The following DSCAM variants were observed in gnomAD, a reference collection of about 807,000 sequenced individuals.
The protein encoded by DSCAM is cell adhesion molecule DSCAM.
In DSCAM, 47 loss-of-function variants were observed where a neutral mutation model predicts 217.7. The ratio of observed to expected loss-of-function variants is 0.22; its 90% CI spans 0.17 to 0.28. The LOEUF is 0.28. Among genes scored for constraint, DSCAM ranks in the 10% least tolerant of loss-of-function variants. The pLI is 1.00. For synonymous variants in DSCAM, 1,056 were observed against 1,015.3 expected (o/e 1.04, Z -0.76); for missense variants, 2,080 against 2,618.3 (o/e 0.79, Z 4.49).
intron 1 of DSCAM, among the ~76,000 whole-genome samples, chr21:40,757,137 G>GC (rs1434915601): frequency 2.0e-5 from 3 of 151,928 alleles, no homozygotes; most frequent in African/African-American, 4.8e-5. Context: ...CCATTCTCCT[G>GC]CTTAGCCTCC....
chr21:40,400,883 A>C (rs1245579836), intron 3 of DSCAM, among the ~76,000 whole-genome samples: 1 of 152,220 alleles, frequency 6.6e-6, no homozygotes, highest in African/African-American at 2.4e-5. Context: ...AGATCTTTCA[A>C]ATGTTGACAG....
At chr21:40,117,725 C>A (rs1055340691) in intron 20 of DSCAM, among the ~76,000 whole-genome samples, 1 of 151,984 alleles carries the variant, frequency 6.6e-6, no homozygotes, top group Admixed American at 6.6e-5. Flanking sequence ...TTGTGGTGTG[C>A]GAGTACTTTC....
intron 3 of DSCAM, among the ~76,000 whole-genome samples, chr21:40,523,931 C>T (rs1435602448): frequency 6.6e-6 from 1 of 151,956 alleles, no homozygotes; most frequent in Non-Finnish European, 1.5e-5. Context: ...AGTGAGGCAC[C>T]GAAAACACGA....
At chr21:40,292,863 G>T (rs541574634) in intron 10 of DSCAM, among the ~76,000 whole-genome samples, 1 of 152,072 alleles carries the variant, frequency 6.6e-6, no homozygotes, top group East Asian at 1.9e-4. Flanking sequence ...AGCCTCCTGA[G>T]TAGCTGGGAC....
chr21:40,485,047 TATTATACAGA>T (rs2076013572), intron 3 of DSCAM, among the ~76,000 whole-genome samples: 1 of 152,076 alleles, frequency 6.6e-6, no homozygotes, highest in Admixed American at 6.5e-5. Context: ...CTCATTATGT[TATTATACAGA>T]GGAATTGAAG....
chr21:40,567,603 C>A (rs1476216244), intron 3 of DSCAM, among the ~76,000 whole-genome samples: 63 of 152,170 alleles, frequency 4.1e-4, no homozygotes, highest in Admixed American at 4.0e-3. Flanking sequence ...GCCCCAAATG[C>A]CCCTCCTCAT....
chr21:40,430,478 G>C (rs2075520084), intron 3 of DSCAM, among the ~76,000 whole-genome samples: 1 of 152,166 alleles, frequency 6.6e-6, no homozygotes, highest in Admixed American at 6.5e-5. Flanking sequence ...TTTCTCCCTG[G>C]CTGGATGCTT....
chr21:40,494,750 A>G (rs570285157), intron 3 of DSCAM, among the ~76,000 whole-genome samples: 1 of 152,182 alleles, frequency 6.6e-6, no homozygotes, highest in Non-Finnish European at 1.5e-5. Context: ...GGGAGGAAAT[A>G]ATAAAGGTCA....
At chr21:40,149,985 G>C (rs940765251) in intron 16 of DSCAM, among the ~76,000 whole-genome samples, 1 of 152,086 alleles carries the variant, frequency 6.6e-6, no homozygotes, top group Non-Finnish European at 1.5e-5. Context: ...CAACATGAAT[G>C]CCACCACAAT....
At chr21:40,651,197 T>C (rs1347616202) in intron 3 of DSCAM, among the ~76,000 whole-genome samples, 1 of 152,272 alleles carries the variant, frequency 6.6e-6, no homozygotes, top group East Asian at 1.9e-4. Context: ...CCCTGTCTCC[T>C]GGGGTGGAGA....
intron 10 of DSCAM, among the ~76,000 whole-genome samples, chr21:40,282,590 C>CAAAAAAA (rs528248714): frequency 8.5e-4 from 28 of 32,944 alleles, no homozygotes; most frequent in African/African-American, 1.6e-3. Flanking sequence ...GACTCTGTCT[C>CAAAAAAA]AAAAAAAAAA....
chr21:40,186,227 T>C (rs2090893158), intron 14 of DSCAM, among the ~76,000 whole-genome samples: 1 of 152,202 alleles, frequency 6.6e-6, no homozygotes, highest in Non-Finnish European at 1.5e-5. Flanking sequence ...TGACCTGTGG[T>C]TCCCAGCTGC....
rs572419148 is a variant in DSCAM at position 40,022,720 on chromosome 21, G to C, written c.5687-9334C>G. Among the ~76,000 whole-genome samples, 292 of 152,106 alleles carry C rather than the reference G, an allele frequency of 1.9e-3. 3 individuals carry two copies. The highest frequency in any genetic ancestry group is 6.6e-3 in the African/African-American group (274 of 41,514). On this transcript the variant is annotated intron_variant, in intron 32 of 32. Coordinates refer to ENST00000400454, the MANE Select transcript of DSCAM (RefSeq NM_001389.5). ...TCTGCTTCTGCCTCCAGGTAGTTTTGTGACCCTTTTGAGCCTTGGTGCTCT... is the reference window on the plus strand; with the variant it reads ...TCTGCTTCTGCCTCCAGGTAGTTTTCTGACCCTTTTGAGCCTTGGTGCTCT...
At chr21:40,285,806 G>A (rs886864128) in intron 10 of DSCAM, among the ~76,000 whole-genome samples, 10 of 152,090 alleles carry the variant, frequency 6.6e-5, no homozygotes, top group Non-Finnish European at 1.2e-4. Context: ...CCTTCTTCTC[G>A]TTTTTGGATT....
At chr21:40,782,066 G>A (rs1330471785) in intron 1 of DSCAM, among the ~76,000 whole-genome samples, 1 of 151,538 alleles carries the variant, frequency 6.6e-6, no homozygotes, top group African/African-American at 2.4e-5. Flanking sequence ...AACTACTCGG[G>A]AGGCTGAGGC....
chr21:40,322,533 T>C (rs1409013745), intron 8 of DSCAM, among the ~76,000 whole-genome samples: 1 of 152,060 alleles, frequency 6.6e-6, no homozygotes, highest in Non-Finnish European at 1.5e-5. Flanking sequence ...TTTTTTTTTT[T>C]TGGAGACAGA....
intron 21 of DSCAM, among the ~76,000 whole-genome samples, chr21:40,089,436 G>C (rs554848052): frequency 2.6e-5 from 4 of 152,308 alleles, no homozygotes; most frequent in Admixed American, 2.6e-4. Flanking sequence ...GGTCCCGTTT[G>C]TTCTCAGCCA....
chr21:40,268,092 C>T (rs375663491), intron 11 of DSCAM, among the ~76,000 whole-genome samples: 16 of 152,318 alleles, frequency 1.1e-4, no homozygotes, highest in African/African-American at 3.8e-4. Context: ...ATTCATTTGC[C>T]TGGAATGCTT....
At chr21:40,830,841 C>G (rs2092006665) in intron 1 of DSCAM, among the ~76,000 whole-genome samples, 1 of 152,214 alleles carries the variant, frequency 6.6e-6, no homozygotes. Flanking sequence ...ACAGGTGATT[C>G]TGTCAGTATT....
Sources: gnomAD v4.1 joint callset for allele counts (sites outside exome capture counted in the v4.1 genomes callset) on GRCh38, gnomAD v4.1.1 for gene constraint, MANE v1.5 for transcripts, NCBI Gene and HGNC (gene_info 2026-07-23, HGNC 2026-07-21) for gene names.